Variants in GPR176 observed in about 807,000 individuals in gnomAD.
GPR176 encodes G-protein coupled receptor 176.
A neutral mutation model predicts 35.4 loss-of-function variants in GPR176; 26 were observed. That is an observed-to-expected ratio of 0.74 (90% CI 0.54 to 1.02). GPR176 has a LOEUF of 1.02. GPR176 is among the 50% of genes least tolerant of loss of function. The probability of loss-of-function intolerance (pLI) is 0.00; values close to 1 mark genes in which losing one functional copy is unlikely to be tolerated. For missense variants in GPR176, 597 were observed against 665.3 expected, an observed-to-expected ratio of 0.90 and a Z score of 1.13; for synonymous variants, 278 against 271.3, an observed-to-expected ratio of 1.02 and a Z score of -0.24.
At chr15:39,825,969 T>G (rs1900616086) in intron 1 of GPR176, among the ~76,000 whole-genome samples, 1 of 152,170 alleles carries the variant, frequency 6.6e-6, no homozygotes, top group Non-Finnish European at 1.5e-5. Context: ...CCACCATAAG[T>G]GCAGCAACAG....
chr15:39,901,865 G>A (rs1406429030), intron 1 of GPR176, among the ~76,000 whole-genome samples: 1 of 151,950 alleles, frequency 6.6e-6, no homozygotes, highest in Non-Finnish European at 1.5e-5. Flanking sequence ...TTTGAGGTCA[G>A]GAGTTCGAGA....
At chr15:39,917,938 A>AG (rs979036022) in intron 1 of GPR176, among the ~76,000 whole-genome samples, 1 of 148,822 alleles carries the variant, frequency 6.7e-6, no homozygotes, top group Non-Finnish European at 1.5e-5. Flanking sequence ...CCAGCTACTC[A>AG]GGGGGCTGAG....
At chr15:39,879,870 A>C (rs1022852519) in intron 1 of GPR176, among the ~76,000 whole-genome samples, 1 of 152,116 alleles carries the variant, frequency 6.6e-6, no homozygotes. Context: ...TTGTTTTTGT[A>C]ACCTATCAGC....
At chr15:39,905,679 T>C (rs1357142301) in intron 1 of GPR176, among the ~76,000 whole-genome samples, 1 of 152,188 alleles carries the variant, frequency 6.6e-6, no homozygotes, top group Admixed American at 6.5e-5. Context: ...CTCCCAAGAA[T>C]TATACTGCAT....
Position 39,801,736 on chromosome 15 carries a change from G to C in GPR176, c.944C>G (p.Ala315Gly). 3 of 1,613,790 alleles carry C rather than the reference G, an allele frequency of 1.9e-6. No homozygotes were observed. The highest frequency in any genetic ancestry group is 2.5e-6 in the Non-Finnish European group (3 of 1,179,812). ...CACAGTAAGAAAGAGAACAGGGTTT[G>C]CCAGCAGGGAGACTTTGGGCAGCCA... ...AVWLPKVSLL[A>G]NPVLFLTVNK... The change falls in exon 3 of 3, where the codon GCA (alanine) becomes GGA (glycine). Residue 315 changes from alanine (A) to glycine (G), a missense_variant. This residue lies in a region of GPR176 where 251 missense variants were observed against 255.4 expected (regional missense o/e 0.98). Transcript: ENST00000561100.
In GPR176 at chr15:39,801,248, G is replaced by T. The variant is rs200518627; in HGVS notation, c.1432C>A (p.Pro478Thr). ...AGCTCTTCTGGGGTGTTGCCCAAGG[G>T]GGGAAGCAGCCGCTTCTTGCTGTTT... Reference protein sequence around the residue: ...TRNSKKRLLPPLGNTPEELIQ... With the variant: ...TRNSKKRLLPTLGNTPEELIQ... Residue 478 changes from proline (P) to threonine (T), a missense_variant, in exon 3 of 3, where the codon CCC (proline) becomes ACC (threonine). Physicochemically the swap from Pro to Thr is conservative, Grantham distance 38. Around this residue, in one of 3 missense-constraint regions of GPR176, gnomAD observed 251 missense variants for 255.4 expected, o/e 0.98. Coordinates refer to ENST00000561100, the MANE Select transcript of GPR176 (RefSeq NM_007223.3). The T allele has an allele frequency of 5.0e-6, 8 of 1,614,158 alleles. No homozygotes were observed. The highest frequency in any genetic ancestry group is 1.3e-5 in the African/African-American group (1 of 75,048).
At chr15:39,842,114 T>C (rs646590) in intron 1 of GPR176, among the ~76,000 whole-genome samples, 151,467 of 152,216 alleles carry the variant, frequency 1, 75,363 homozygotes, top group Middle Eastern at 1. Flanking sequence ...CATTCTCACA[T>C]TGCTATCAAG....
chr15:39,806,600 C>A (rs1899204164), intron 2 of GPR176, among the ~76,000 whole-genome samples: 1 of 152,194 alleles, frequency 6.6e-6, no homozygotes, highest in South Asian at 2.1e-4. Flanking sequence ...TGTTAAATAA[C>A]CACTGAATCA....
intron 1 of GPR176, among the ~76,000 whole-genome samples, chr15:39,857,778 C>T (rs2031323293): frequency 6.6e-6 from 1 of 151,844 alleles, no homozygotes; most frequent in African/African-American, 2.4e-5. Context: ...ACCATCCTGC[C>T]TAACATGGTG....
At chr15:39,833,132 C>T (rs544702221) in intron 1 of GPR176, among the ~76,000 whole-genome samples, 1 of 152,124 alleles carries the variant, frequency 6.6e-6, no homozygotes, top group South Asian at 2.1e-4. Flanking sequence ...CCCACACATA[C>T]GGCAATTCCA....
At chr15:39,895,283 G>GAGAAGA (rs1234530930) in intron 1 of GPR176, among the ~76,000 whole-genome samples, 3 of 10,214 alleles carry the variant, frequency 2.9e-4, no homozygotes, top group African/African-American at 5.0e-4. Flanking sequence ...AGACCGTGGG[G>GAGAAGA]AGAGGAAGAG....
chr15:39,801,127 C>T lies in GPR176; in HGVS notation c.*5G>A. The T allele has an allele frequency of 6.3e-7, 1 of 1,583,414 alleles. No individual in the cohort carries two copies. The highest frequency in any genetic ancestry group is 8.6e-7 in the Non-Finnish European group (1 of 1,162,802). On this transcript the variant is annotated 3_prime_UTR_variant, in exon 3 of 3. Coordinates refer to ENST00000561100, the MANE Select transcript of GPR176 (RefSeq NM_007223.3). ...CCCGTTGCTTCCAAGAATTTACAAT[C>T]CTTGCTAGGAATCCACCTTTGGAAA...
intron 1 of GPR176, among the ~76,000 whole-genome samples, chr15:39,833,774 T>C (rs1229114794): frequency 6.6e-6 from 1 of 152,124 alleles, no homozygotes; most frequent in Non-Finnish European, 1.5e-5. Flanking sequence ...CCCTTAAAGG[T>C]TGCTTTTAGT....
intron 1 of GPR176, among the ~76,000 whole-genome samples, chr15:39,891,247 CAA>C (rs2032860722): frequency 6.6e-6 from 1 of 152,134 alleles, no homozygotes; most frequent in African/African-American, 2.4e-5. Flanking sequence ...AAAAATAAAA[CAA>C]AAAGTATAAT....
At position 39,801,304 on chromosome 15, in the gene GPR176, T is replaced by C. The variant is rs1424538958; in HGVS notation, c.1376A>G (p.Glu459Gly). Reference sequence around the variant, plus strand: ...CTCTGAGAGCCACTGAGGAGGCAACTCAAAAGGCCCAAAGCCAAACTGCAG... The same window carrying C: ...CTCTGAGAGCCACTGAGGAGGCAACCCAAAAGGCCCAAAGCCAAACTGCAG... ...YSLQFGFGPF[E>G]LPPQWLSETR... is the part of the protein sequence containing the mutation. Residue 459 changes from glutamate to glycine, a missense_variant, in exon 3 of 3, where the codon GAG becomes GGG. Glu to Gly is a moderately conservative substitution (Grantham distance 98). Coordinates refer to ENST00000561100, the MANE Select transcript of GPR176 (RefSeq NM_007223.3). The C allele has an allele frequency of 1.2e-6, 2 of 1,614,010 alleles. No individual in the cohort carries two copies. Among genetic ancestry groups the C allele is most frequent in the African/African-American group, 2.7e-5 (2 of 74,924 alleles).
intron 1 of GPR176, among the ~76,000 whole-genome samples, chr15:39,852,135 A>G (rs1336317218): frequency 3.9e-5 from 6 of 152,182 alleles, no homozygotes; most frequent in Non-Finnish European, 2.9e-5. Flanking sequence ...GAAAAAAAGA[A>G]TGATGAATTT....
intron 1 of GPR176, among the ~76,000 whole-genome samples, chr15:39,909,559 C>G (rs1395919606): frequency 6.6e-6 from 1 of 152,180 alleles, no homozygotes; most frequent in African/African-American, 2.4e-5. Flanking sequence ...ACCCTACAGC[C>G]AGAAGAAAAA....
intron 1 of GPR176, among the ~76,000 whole-genome samples, chr15:39,841,637 C>G (rs187705737): frequency 6.6e-6 from 1 of 152,100 alleles, no homozygotes; most frequent in Non-Finnish European, 1.5e-5. Context: ...AGGGTTCCCC[C>G]ACAGGTTTCA....
At chr15:39,916,854 A>G (rs774392258) in intron 1 of GPR176, among the ~76,000 whole-genome samples, 17 of 152,190 alleles carry the variant, frequency 1.1e-4, no homozygotes, top group Non-Finnish European at 1.8e-4. Flanking sequence ...GTGCTTCCCA[A>G]GTTTTCTTGC....
Sources: gnomAD v4.1 joint callset for allele counts (sites outside exome capture counted in the v4.1 genomes callset) on GRCh38, gnomAD v4.1.1 for gene constraint, gnomAD v4.1.1 regional missense constraint, MANE v1.5 for transcripts, NCBI Gene and HGNC (gene_info 2026-07-23, HGNC 2026-07-21) for gene names.